The following TTC29 variants were observed in gnomAD, a reference collection of about 807,000 sequenced individuals.
The protein encoded by TTC29 is tetratricopeptide repeat protein 29.
TTC29 carries 49 observed loss-of-function variants against 58.1 expected under a neutral mutation model. The ratio of observed to expected loss-of-function variants is 0.84; its 90% confidence interval spans 0.67 to 1.07. The LOEUF is 1.07. TTC29 is among the 50% of genes least tolerant of loss of function. The pLI is 0.00. For synonymous variants in TTC29, 209 were observed against 196.8 expected (o/e 1.06, Z -0.52); for missense variants, 582 against 555.6 (o/e 1.05, Z -0.48).
Position 146,707,125 on chromosome 4 carries a change from T to C in TTC29, c.*33A>G. Reference sequence around the variant, plus strand: ...GAAGTCTAAGGTGACATGATGGATTTCTTCTTGCTTTGATGTTAAGTGAAA... The same window carrying C: ...GAAGTCTAAGGTGACATGATGGATTCCTTCTTGCTTTGATGTTAAGTGAAA... On this transcript the variant is annotated 3_prime_UTR_variant, in exon 13 of 13. Coordinates refer to ENST00000325106, the MANE Select transcript of TTC29 (RefSeq NM_031956.4). 2 of 1,502,826 alleles carry C rather than the reference T, an allele frequency of 1.3e-6. No homozygotes were observed. The highest frequency in any genetic ancestry group is 1.8e-6 in the Non-Finnish European group (2 of 1,116,808). 93.1% of individuals were successfully genotyped at this position (1,502,826 alleles called of 1,614,324 possible).
intron 11 of TTC29, among the ~76,000 whole-genome samples, chr4:146,763,601 AG>A (rs1225642924): frequency 2.6e-5 from 4 of 152,160 alleles, no homozygotes; most frequent in African/African-American, 9.6e-5. Context: ...CACGATGAGC[AG>A]GTGTACTTAT....
chr4:146,729,790 T>G (rs556487225), intron 11 of TTC29, among the ~76,000 whole-genome samples: 1 of 152,134 alleles, frequency 6.6e-6, no homozygotes, highest in South Asian at 2.1e-4. Context: ...AAGGAGGAAC[T>G]GTCAAACACT....
chr4:146,827,146 C>T (rs2150149715), intron 9 of TTC29, among the ~76,000 whole-genome samples: 1 of 152,216 alleles, frequency 6.6e-6, no homozygotes, highest in South Asian at 2.1e-4. Context: ...TGCCCACATC[C>T]CTTGGCTGGA....
intron 6 of TTC29, among the ~76,000 whole-genome samples, chr4:146,877,186 A>T: frequency 6.6e-6 from 1 of 152,264 alleles, no homozygotes; most frequent in East Asian, 1.9e-4. Flanking sequence ...AACATAAAAA[A>T]ACATTTAGAA....
chr4:146,770,184 T>G (rs1747626699), intron 11 of TTC29, among the ~76,000 whole-genome samples: 1 of 151,834 alleles, frequency 6.6e-6, no homozygotes, highest in Non-Finnish European at 1.5e-5. Flanking sequence ...TGGTGTGAGG[T>G]CTCTGCATCA....
intron 4 of TTC29, among the ~76,000 whole-genome samples, chr4:146,911,423 C>A (rs1733890833): frequency 6.6e-6 from 1 of 152,148 alleles, no homozygotes; most frequent in African/African-American, 2.4e-5. Context: ...GGGTTCAGGT[C>A]AGCATATTTC....
At chr4:146,877,599 T>C (rs891615871) in intron 6 of TTC29, among the ~76,000 whole-genome samples, 1 of 152,216 alleles carries the variant, frequency 6.6e-6, no homozygotes, top group South Asian at 2.1e-4. Context: ...ATCTGTGTGT[T>C]ATATTTCCTC....
intron 8 of TTC29, among the ~76,000 whole-genome samples, chr4:146,835,370 C>T (rs1398426829): frequency 6.6e-6 from 1 of 152,014 alleles, no homozygotes; most frequent in Non-Finnish European, 1.5e-5. Flanking sequence ...AGGGCAGTAC[C>T]TCTGAATTTT....
chr4:146,708,340 A>ATATACATGTATG (rs1561046974), intron 11 of TTC29, among the ~76,000 whole-genome samples: 1 of 40,450 alleles, frequency 2.5e-5, no homozygotes, highest in African/African-American at 6.4e-5. Context: ...ATATATATAT[A>ATATACATGTATG]TATATATATA....
chr4:146,786,141 T>C (rs1035015515), intron 11 of TTC29, among the ~76,000 whole-genome samples: 2 of 151,892 alleles, frequency 1.3e-5, no homozygotes, highest in African/African-American at 4.8e-5. Flanking sequence ...ATGAGTGGAG[T>C]TGTTTTCTGA....
At chr4:146,721,504 G>A (rs1253922113) in intron 11 of TTC29, among the ~76,000 whole-genome samples, 1 of 152,126 alleles carries the variant, frequency 6.6e-6, no homozygotes, top group Non-Finnish European at 1.5e-5. Flanking sequence ...CTTGCATGAT[G>A]TCTTAGAGCT....
intron 7 of TTC29, among the ~76,000 whole-genome samples, chr4:146,868,239 G>C (rs974017297): frequency 2.2e-4 from 34 of 152,210 alleles, no homozygotes; most frequent in Middle Eastern, 3.4e-3. Flanking sequence ...TGGGGAGTGG[G>C]GAGGGGTAGC....
intron 11 of TTC29, among the ~76,000 whole-genome samples, chr4:146,739,857 T>G (rs1744995095): frequency 6.6e-6 from 1 of 152,142 alleles, no homozygotes; most frequent in African/African-American, 2.4e-5. Flanking sequence ...TTCTCTCTGT[T>G]TGGGTACATT....
chr4:146,719,541 T>C (rs1743203341), intron 11 of TTC29, among the ~76,000 whole-genome samples: 1 of 152,212 alleles, frequency 6.6e-6, no homozygotes, highest in Non-Finnish European at 1.5e-5. Context: ...TTGGAAAGAC[T>C]GATTTATTTG....
rs1730643532 is a variant in TTC29, at chr4:146,867,556, G to T, written c.827C>A (p.Ala276Asp). The T allele has an allele frequency of 1.3e-6, 2 of 1,547,598 alleles. No homozygotes were observed. Among genetic ancestry groups the T allele is most frequent in the Non-Finnish European group, 1.7e-6 (2 of 1,144,574 alleles). ...EGSDKKMEAE[A>D]SYYLGLAHLA... ...GTGTGCTAAGCCCAAGTAGTAAGAGGCTTCCGCTTCCATCTTTTTGTCACT... is the reference window on the plus strand; with the variant it reads ...GTGTGCTAAGCCCAAGTAGTAAGAGTCTTCCGCTTCCATCTTTTTGTCACT... Residue 276 changes from alanine (A) to aspartate (D), a missense_variant, in exon 8 of 13, where the codon GCC (alanine) becomes GAC (aspartate). Ala to Asp is a moderately radical substitution (Grantham distance 126). Coordinates refer to ENST00000325106, the MANE Select transcript of TTC29 (RefSeq NM_031956.4).
intron 6 of TTC29, among the ~76,000 whole-genome samples, chr4:146,886,734 G>T (rs1373930028): frequency 6.6e-6 from 1 of 152,126 alleles, no homozygotes; most frequent in Non-Finnish European, 1.5e-5. Flanking sequence ...AAACTCAGAA[G>T]GTTGACTTTG....
At chr4:146,815,704 AC>A (rs1326475718) in intron 10 of TTC29, among the ~76,000 whole-genome samples, 3 of 152,208 alleles carry the variant, frequency 2.0e-5, no homozygotes, top group Non-Finnish European at 2.9e-5. Flanking sequence ...AGAGAAAAAA[AC>A]AATAAGTTCA....
intron 11 of TTC29, among the ~76,000 whole-genome samples, chr4:146,740,063 C>T (rs986100640): frequency 2.0e-5 from 3 of 152,086 alleles, no homozygotes; most frequent in Non-Finnish European, 4.4e-5. Flanking sequence ...GATGGAAGGA[C>T]CTGGGGGGTC....
chr4:146,793,716 T>G (rs1169494229), intron 11 of TTC29, among the ~76,000 whole-genome samples: 4 of 152,112 alleles, frequency 2.6e-5, no homozygotes, highest in Non-Finnish European at 5.9e-5. Context: ...AGCAATAGGT[T>G]GGTTTTCATC....
Sources: allele counts gnomAD v4.1 joint callset (sites outside exome capture counted in the v4.1 genomes callset), GRCh38; gene constraint gnomAD v4.1.1; transcripts MANE v1.5; gene names NCBI Gene and HGNC (gene_info 2026-07-23, HGNC 2026-07-21).